TP53BP1: variants seen among roughly 807,000 people sequenced by gnomAD.
TP53BP1 encodes tumor protein p53 binding protein 1.
A neutral mutation model predicts 200.8 loss-of-function variants in TP53BP1; 61 were observed. That is an observed-to-expected ratio of 0.30 (90% CI 0.25 to 0.38). TP53BP1 has a LOEUF of 0.38. TP53BP1 is among the 10% of genes least tolerant of loss of function. TP53BP1 has a pLI of 1.00. For synonymous variants in TP53BP1, 822 were observed against 844.3 expected (o/e 0.97, Z 0.46); for missense variants, 2,144 against 2,371.9 (o/e 0.90, Z 2.00).
intron 16 of TP53BP1, among the ~76,000 whole-genome samples, chr15:43,435,453 C>T (rs759226953): frequency 4.6e-5 from 7 of 151,884 alleles, no homozygotes; most frequent in African/African-American, 7.3e-5. Context: ...CATCTTGGCA[C>T]CTCTATTTTA....
intron 18 of TP53BP1, among the ~76,000 whole-genome samples, chr15:43,424,090 C>T (rs1233519623): frequency 6.6e-6 from 1 of 152,218 alleles, no homozygotes; most frequent in Non-Finnish European, 1.5e-5. Flanking sequence ...ATCTTCCCTC[C>T]ATTTCTCTGC....
intron 4 of TP53BP1, among the ~76,000 whole-genome samples, chr15:43,488,425 G>T (rs949590953): frequency 1.3e-5 from 2 of 152,166 alleles, no homozygotes; most frequent in Non-Finnish European, 1.5e-5. Context: ...TGCAAAAGAC[G>T]GAGGTAGGTG....
chr15:43,503,034 T>C (rs112341347), intron 1 of TP53BP1, among the ~76,000 whole-genome samples: 70 of 152,062 alleles, frequency 4.6e-4, no homozygotes, highest in African/African-American at 1.5e-3. Flanking sequence ...ATTACATGCG[T>C]GAGCCACCTT....
Position 43,404,939 on chromosome 15 carries a change from TA to T in TP53BP1, c.*2443del, listed in dbSNP as rs1417001479. ...GACCACCCCTTCTAACTCTAAACTT[TA>T]AAAAAAACTGATACCGAGATTCAGT... is the stretch of plus-strand genomic sequence containing the variant. On this transcript the variant is annotated 3_prime_UTR_variant, in exon 28 of 28. Coordinates refer to ENST00000382044, the MANE Select transcript of TP53BP1 (RefSeq NM_001141980.3). 9.5e-6 allele frequency: 5 copies of T among 528,184 alleles called. No homozygotes were observed. The highest frequency in any genetic ancestry group is 5.1e-5 in the South Asian group (2 of 38,962). 32.7% of individuals were successfully genotyped at this position (528,184 alleles called of 1,614,324 possible).
At chr15:43,427,958 A>G (rs751328360) in intron 18 of TP53BP1, 58 bp downstream of exon 18, 3,032 of 161,794 alleles carry the variant, frequency 0.019, 2 homozygotes, top group Non-Finnish European at 0.026. Context: ...CCCTGTCTCC[A>G]AAAAAAAAAA....
In TP53BP1 at chr15:43,438,331, G is replaced by C; in HGVS notation, c.3184C>G (p.Pro1062Ala). The C allele has an allele frequency of 6.2e-7, 1 of 1,613,560 alleles. No individual in the cohort carries two copies. Among genetic ancestry groups the C allele is most frequent in the Non-Finnish European group, 8.5e-7 (1 of 1,179,748 alleles). Residue 1062 changes from proline to alanine, a missense_variant, in exon 16 of 28, where the codon CCC becomes GCC. Pro to Ala is a conservative substitution (Grantham distance 27, BLOSUM62 -1). Around this residue, in one of 4 missense-constraint regions of TP53BP1, gnomAD observed 1,700 missense variants for 1,710.3 expected, o/e 0.99. Coordinates refer to ENST00000382044, the MANE Select transcript of TP53BP1 (RefSeq NM_001141980.3). ...EARSEDPPTT[P>A]IRGNLLHFPS... ...TATAAAAATAATGCTTACCTGATGG[G>C]TGTGGTGGGGGGATCCTCACTTCGA... is the stretch of plus-strand genomic sequence containing the variant.
chr15:43,413,213 G>A lies in TP53BP1; in HGVS notation c.5211C>T (p.Tyr1737=), dbSNP rs764140683. 2.7e-5 allele frequency: 44 copies of A among 1,614,056 alleles called. No individual in the cohort carries two copies. The highest frequency in any genetic ancestry group is 1.6e-4 in the Middle Eastern group (1 of 6,084). Residue 1737 remains tyrosine, a synonymous_variant, in exon 24 of 28, where the codon TAC becomes TAT. Transcript: ENST00000382044. ...LPLNKTLFLG[Y]AFLLTMATTS... ...TTGTGGCCATGGTAAGGAGAAATGC[G>A]TAGCCCAGAAACAAGGTCTTGTTGA...
Position 43,407,386 on chromosome 15 carries a change from G to C in TP53BP1, c.5931C>G (p.His1977Gln), listed in dbSNP as rs2044939284. 6.2e-7 allele frequency: 1 copy of C among 1,613,964 alleles called. No homozygotes were observed. Among genetic ancestry groups the C allele is most frequent in the Non-Finnish European group, 8.5e-7 (1 of 1,179,852 alleles). The change falls in exon 28 of 28, where the codon CAC (histidine) becomes CAG (glutamine). Residue 1977 changes from histidine (H) to glutamine (Q), a missense_variant. Around this residue, in one of 4 missense-constraint regions of TP53BP1, gnomAD observed 334 missense variants for 453.4 expected, o/e 0.74. Transcript: ENST00000382044. ...AAACCAGTAAGACCAAGTATCTTTA[G>C]TGAGAAACATAATCGTGTTTATATT... ...HPKYKHDYVS[H>Q]
At chr15:43,455,611 T>C (rs2046273624) in intron 12 of TP53BP1, among the ~76,000 whole-genome samples, 1 of 151,902 alleles carries the variant, frequency 6.6e-6, no homozygotes, top group African/African-American at 2.4e-5. Flanking sequence ...TCCCAGCTAC[T>C]TGGGAGGCTG....
At position 43,493,064 on chromosome 15, in the gene TP53BP1, G is replaced by T. The variant is rs762735138; in HGVS notation, c.-21C>A. Reference sequence around the variant, plus strand: ...GGCATCCCGGCGGGAGGTCCCTCGCGCTCGAGCTAGAGGTCTCTGCACGCT... The same window carrying T: ...GGCATCCCGGCGGGAGGTCCCTCGCTCTCGAGCTAGAGGTCTCTGCACGCT... On this transcript the variant is annotated 5_prime_UTR_variant, in exon 1 of 28. Transcript: ENST00000382044. 1 of 1,612,696 alleles carries T rather than the reference G, an allele frequency of 6.2e-7. No individual in the cohort carries two copies. The highest frequency in any genetic ancestry group is 2.2e-5 in the East Asian group (1 of 44,842).
In TP53BP1 at chr15:43,406,924, T is replaced by G. The variant is rs2044914277; in HGVS notation, c.*459A>C. ...TCAGAGAGAGAGCATGAGGTCTTTT[T>G]TAACTGTCAGGAAACAGAGCTGTGC... is the stretch of plus-strand genomic sequence containing the variant. On this transcript the variant is annotated 3_prime_UTR_variant, in exon 28 of 28. Transcript: ENST00000382044. The G allele has an allele frequency of 4.1e-6, 1 of 242,926 alleles. No individual in the cohort carries two copies. 15.0% of individuals were successfully genotyped at this position (242,926 alleles called of 1,614,324 possible).
intron 14 of TP53BP1, among the ~76,000 whole-genome samples, chr15:43,442,623 G>C (rs933064882): frequency 6.6e-6 from 1 of 151,378 alleles, no homozygotes; most frequent in Admixed American, 6.6e-5. Flanking sequence ...TCACCCTCCT[G>C]AGTAGCTGGG....
chr15:43,459,117 C>G (rs1428246211), intron 11 of TP53BP1, among the ~76,000 whole-genome samples: 12 of 152,130 alleles, frequency 7.9e-5, no homozygotes, highest in Admixed American at 7.9e-4. Context: ...ACAGGCAGAT[C>G]TCTTGAGGCC....
At chr15:43,503,184 G>T (rs1266505915) in intron 1 of TP53BP1, among the ~76,000 whole-genome samples, 1 of 152,248 alleles carries the variant, frequency 6.6e-6, no homozygotes, top group Non-Finnish European at 1.5e-5. Context: ...GGTGTGTGTA[G>T]CTATGACTCC....
intron 14 of TP53BP1, among the ~76,000 whole-genome samples, chr15:43,446,096 G>A (rs1769334645): frequency 2.0e-5 from 3 of 152,156 alleles, no homozygotes; most frequent in Admixed American, 6.5e-5. Context: ...AATCTGCAAT[G>A]TGAATCCACA....
intron 10 of TP53BP1, among the ~76,000 whole-genome samples, chr15:43,473,393 CAA>C (rs1473616021): frequency 6.6e-6 from 1 of 151,798 alleles, no homozygotes; most frequent in African/African-American, 2.4e-5. Context: ...GAGCTAGACA[CAA>C]AGGTTCTCCA....
At chr15:43,438,767 G>A (rs1399166586) in intron 15 of TP53BP1, among the ~76,000 whole-genome samples, 1 of 144,636 alleles carries the variant, frequency 6.9e-6, no homozygotes, top group Non-Finnish European at 1.5e-5. Context: ...GACTGGAGGG[G>A]TACTCTGTAT....
chr15:43,414,803 T>C (rs2045223160), intron 23 of TP53BP1, among the ~76,000 whole-genome samples: 1 of 151,972 alleles, frequency 6.6e-6, no homozygotes, highest in Non-Finnish European at 1.5e-5. Flanking sequence ...CCTCCCAGGT[T>C]CAAATGATTC....
At chr15:43,461,009 G>GAA (rs766488888) in intron 11 of TP53BP1, among the ~76,000 whole-genome samples, 2 of 116,120 alleles carry the variant, frequency 1.7e-5, no homozygotes. Context: ...GCCTCAAAAG[G>GAA]AAAAAAAAAA....
Sources: gnomAD v4.1 joint callset for allele counts (sites outside exome capture counted in the v4.1 genomes callset) on GRCh38, gnomAD v4.1.1 for gene constraint, gnomAD v4.1.1 regional missense constraint, MANE v1.5 for transcripts, NCBI Gene and HGNC (gene_info 2026-07-23, HGNC 2026-07-21) for gene names.